The following MBD5 variants were observed in gnomAD, a reference collection of about 807,000 sequenced individuals.
MBD5 encodes methyl-CpG-binding domain protein 5.
MBD5 carries 13 observed loss-of-function variants against 117.3 expected under a neutral mutation model. That is an observed-to-expected ratio of 0.11 (90% CI 0.07 to 0.18). The LOEUF (loss-of-function observed/expected upper bound fraction) is 0.18, where lower values mean the gene tolerates loss of function less well. Among genes scored for constraint, MBD5 ranks in the 10% least tolerant of loss-of-function variants. The pLI is 1.00. For synonymous variants in MBD5, 727 were observed against 766.4 expected (o/e 0.95, Z 0.85); for missense variants, 1,879 against 2,093.8 (o/e 0.90, Z 2.00).
intron 3 of MBD5, among the ~76,000 whole-genome samples, chr2:148,320,515 C>G (rs1702259116): frequency 6.6e-6 from 1 of 151,952 alleles, no homozygotes; most frequent in Non-Finnish European, 1.5e-5. Context: ...GCCACCATGC[C>G]CAGCTAATTT....
At position 148,157,903 on chromosome 2, in the gene MBD5, A is replaced by T. The variant is rs75071162; in HGVS notation, c.-924-20797A>T. ...ATTTAAAATGTTCATACTCATTAAT[A>T]TCTCAAAAATATTCATCACGATGGA... On this transcript the variant is annotated intron_variant, in intron 1 of 13. Coordinates refer to ENST00000642680, the MANE Select transcript of MBD5 (RefSeq NM_001378120.1). 2.2e-3 allele frequency among the ~76,000 whole-genome samples: 339 copies of T among 152,324 alleles called. 7 individuals carry two copies. The East Asian group carries it at 0.055, about 25-fold the overall frequency.
Position 148,490,326 on chromosome 2 carries a change from A to G in MBD5, c.4694A>G (p.Asp1565Gly). The G allele has an allele frequency of 6.2e-7, 1 of 1,614,194 alleles. No homozygotes were observed. Among genetic ancestry groups the G allele is most frequent in the Non-Finnish European group, 8.5e-7 (1 of 1,180,028 alleles). Reference protein sequence around the residue: ...SNSLENSLVKDYIHYNGDFNA... With the variant: ...SNSLENSLVKGYIHYNGDFNA... ...AGTTTGGAAAATTCTCTGGTCAAAG[A>G]CTACATCCATTACAATGGAGACTTT... Residue 1565 changes from aspartate to glycine, a missense_variant, in exon 11 of 14, where the codon GAC becomes GGC. Asp to Gly is a moderately conservative substitution (Grantham distance 94, BLOSUM62 -1). This residue lies in a region of MBD5 where 1,666 missense variants were observed against 1,792.2 expected (regional missense o/e 0.93). Coordinates refer to ENST00000642680, the MANE Select transcript of MBD5 (RefSeq NM_001378120.1).
At chr2:148,423,258 A>G (rs1705667729) in intron 4 of MBD5, among the ~76,000 whole-genome samples, 1 of 152,176 alleles carries the variant, frequency 6.6e-6, no homozygotes, top group Admixed American at 6.5e-5. Flanking sequence ...ACAATCCAGA[A>G]GAGAGTGGAG....
rs1682307868 is a variant in MBD5 at position 148,514,863 on chromosome 2, A to G, written c.*1922A>G. On this transcript the variant is annotated 3_prime_UTR_variant, in exon 14 of 14. Transcript: ENST00000642680. ...TGTTCCTACTTTCAACCTACCCCCA[A>G]GCCTGATGGAATGCAACTGGCTACC... 6.6e-6 allele frequency: 1 copy of G among 152,084 alleles called. No homozygotes were observed. 9.4% of individuals were successfully genotyped at this position (152,084 alleles called of 1,614,324 possible).
chr2:148,358,653 A>T (rs548243855), intron 4 of MBD5, among the ~76,000 whole-genome samples: 128 of 147,948 alleles, frequency 8.7e-4, no homozygotes, highest in African/African-American at 3.0e-3. Flanking sequence ...GTGTGGTGGT[A>T]CACGCATGTG....
intron 2 of MBD5, among the ~76,000 whole-genome samples, chr2:148,204,470 C>A (rs1699225714): frequency 6.6e-6 from 1 of 152,062 alleles, no homozygotes; most frequent in Non-Finnish European, 1.5e-5. Flanking sequence ...TAATTTTGAT[C>A]TACATATTGA....
intron 1 of MBD5, among the ~76,000 whole-genome samples, chr2:148,099,669 T>C (rs1696155221): frequency 6.6e-6 from 1 of 152,208 alleles, no homozygotes; most frequent in Admixed American, 6.5e-5. Context: ...CAGAATGTTT[T>C]ACCACTGAAA....
At chr2:148,408,894 C>T (rs927336783) in intron 4 of MBD5, among the ~76,000 whole-genome samples, 1 of 151,762 alleles carries the variant, frequency 6.6e-6, no homozygotes, top group East Asian at 1.9e-4. Flanking sequence ...GCATTTACAT[C>T]GTATTAGATA....
At chr2:148,243,781 A>C (rs1361184954) in intron 3 of MBD5, 1 of 152,074 alleles carries the variant, frequency 6.6e-6, no homozygotes, top group Admixed American at 6.6e-5. Flanking sequence ...AAGAAGATGA[A>C]TCTGTTATCA....
intron 4 of MBD5, among the ~76,000 whole-genome samples, chr2:148,378,329 A>T (rs1347323278): frequency 1.3e-5 from 2 of 152,164 alleles, no homozygotes; most frequent in African/African-American, 4.8e-5. Flanking sequence ...CTGCTTTTTC[A>T]CATTAACCTC....
chr2:148,449,962 A>C (rs541442725), intron 4 of MBD5, among the ~76,000 whole-genome samples: 1 of 152,180 alleles, frequency 6.6e-6, no homozygotes, highest in South Asian at 2.1e-4. Flanking sequence ...ACCAGAGAAC[A>C]TATAGAGTAT....
chr2:148,160,947 G>A (rs542668619), intron 1 of MBD5, among the ~76,000 whole-genome samples: 43 of 152,180 alleles, frequency 2.8e-4, no homozygotes, highest in Non-Finnish European at 4.9e-4. Flanking sequence ...CACGTAGTAG[G>A]AGTTCAAAAT....
intron 8 of MBD5, among the ~76,000 whole-genome samples, chr2:148,481,503 G>A (rs1374626210): frequency 2.0e-5 from 3 of 152,056 alleles, no homozygotes; most frequent in African/African-American, 2.4e-5. Context: ...CACTGGTGTT[G>A]TTCATTATGC....
intron 4 of MBD5, among the ~76,000 whole-genome samples, chr2:148,414,607 A>C (rs1253752048): frequency 2.0e-5 from 3 of 152,168 alleles, no homozygotes; most frequent in Admixed American, 6.5e-5. Flanking sequence ...ATCTCTCTGT[A>C]GGTCTCCAAG....
chr2:148,067,203 T>C (rs1695224581), intron 1 of MBD5, among the ~76,000 whole-genome samples: 1 of 152,218 alleles, frequency 6.6e-6, no homozygotes, highest in Non-Finnish European at 1.5e-5. Flanking sequence ...TCAGCAGTTC[T>C]ATTGAACACC....
intron 3 of MBD5, among the ~76,000 whole-genome samples, chr2:148,254,471 G>A (rs1338794999): frequency 6.6e-6 from 1 of 152,146 alleles, no homozygotes; most frequent in East Asian, 1.9e-4. Flanking sequence ...ACCTGCTCCA[G>A]GGATAGTCAT....
chr2:148,218,232 G>A (rs1699604152), intron 2 of MBD5, among the ~76,000 whole-genome samples: 1 of 152,056 alleles, frequency 6.6e-6, no homozygotes, highest in Non-Finnish European at 1.5e-5. Context: ...GGCTCAGCTG[G>A]ACTTGGTTCT....
chr2:148,064,145 A>C (rs1246818041), intron 1 of MBD5, among the ~76,000 whole-genome samples: 1 of 86,400 alleles, frequency 1.2e-5, no homozygotes, highest in Non-Finnish European at 2.2e-5. Flanking sequence ...TTTTTTTTTG[A>C]GACAGAGCCT....
rs794727072 is a variant in MBD5 at position 148,489,936 on chromosome 2, G to A, written c.4304G>A (p.Ser1435Asn). ...TSKKQWDGEQ[S>N]PRGERNRWKY... is the part of the protein sequence containing the mutation. Reference sequence around the variant, plus strand: ...AAAAAACAGTGGGACGGGGAGCAAAGCCCCAGAGGGGAGCGAAACAGGTGG... The same window carrying A: ...AAAAAACAGTGGGACGGGGAGCAAAACCCCAGAGGGGAGCGAAACAGGTGG... The change falls in exon 11 of 14, where the codon AGC (serine) becomes AAC (asparagine). Residue 1435 changes from serine to asparagine, a missense_variant. Physicochemically the swap from Ser to Asn is conservative, Grantham distance 46. Transcript: ENST00000642680. 1 of 1,614,056 alleles carries A rather than the reference G, an allele frequency of 6.2e-7. No individual in the cohort carries two copies. The highest frequency in any genetic ancestry group is 8.5e-7 in the Non-Finnish European group (1 of 1,180,018).
Sources: gnomAD v4.1 joint callset for allele counts (sites outside exome capture counted in the v4.1 genomes callset) on GRCh38, gnomAD v4.1.1 for gene constraint, gnomAD v4.1.1 regional missense constraint, MANE v1.5 for transcripts, NCBI Gene and HGNC (gene_info 2026-07-23, HGNC 2026-07-21) for gene names.